Variants in NIN observed in about 807,000 individuals in gnomAD.
NIN encodes glycogen synthase kinase 3 beta-interacting protein.
Under a neutral mutation model 257.6 loss-of-function variants are expected in NIN, and 137 were observed. The observed-to-expected ratio is 0.53, with a 90% CI of 0.46 to 0.61. The LOEUF (loss-of-function observed/expected upper bound fraction) is 0.61, where lower values mean the gene tolerates loss of function less well. Among genes scored for constraint, NIN ranks in the 20% least tolerant of loss-of-function variants. NIN has a pLI of 0.00. For missense variants in NIN, 2,439 were observed against 2,501.2 expected (o/e 0.98, Z 0.53); for synonymous variants, 918 against 919.8 (o/e 1.00, Z 0.04).
chr14:50,753,975 ATGTT>A (rs2041914177), intron 20 of NIN, among the ~76,000 whole-genome samples: 2 of 151,930 alleles, frequency 1.3e-5, no homozygotes, highest in Non-Finnish European at 2.9e-5. Flanking sequence ...TACATTTTGG[ATGTT>A]AACACCTTGT....
chr14:50,804,259 G>A (rs997553811), intron 4 of NIN, among the ~76,000 whole-genome samples: 4 of 152,096 alleles, frequency 2.6e-5, no homozygotes, highest in Non-Finnish European at 5.9e-5. Context: ...CGATCCCCAC[G>A]AACAACTGGA....
chr14:50,775,009 A>G (rs748197256), intron 7 of NIN, among the ~76,000 whole-genome samples: 1 of 152,210 alleles, frequency 6.6e-6, no homozygotes, highest in African/African-American at 2.4e-5. Context: ...TTGGAAAATA[A>G]TCACAAACCC....
At chr14:50,819,834 TAAAGA>T (rs138956723) in intron 3 of NIN, among the ~76,000 whole-genome samples, 28 of 152,358 alleles carry the variant, frequency 1.8e-4, no homozygotes, top group Non-Finnish European at 3.7e-4. Flanking sequence ...AAATATCTTC[TAAAGA>T]GAAGAAAGAT....
At chr14:50,724,415 T>C (rs555535169) in intron 30 of NIN, 1 of 222,366 alleles carries the variant, frequency 4.5e-6, no homozygotes, top group East Asian at 6.5e-5. Flanking sequence ...AACAACCTAT[T>C]AGCATTTCAA....
At chr14:50,769,299 C>T (rs1210934606) in intron 12 of NIN, among the ~76,000 whole-genome samples, 2 of 152,158 alleles carry the variant, frequency 1.3e-5, no homozygotes, top group Admixed American at 6.5e-5. Context: ...CTAAACCAGG[C>T]AGCCTGACTC....
intron 18 of NIN, among the ~76,000 whole-genome samples, chr14:50,755,740 C>T (rs748731532): frequency 6.9e-6 from 1 of 145,950 alleles, no homozygotes; most frequent in Non-Finnish European, 1.5e-5. Context: ...TCATGGCTCA[C>T]TGCAGCTTTG....
Position 50,752,700 on chromosome 14 carries a change from C to A in NIN, c.4768G>T (p.Asp1590Tyr). 2 of 1,600,082 alleles carry A rather than the reference C, an allele frequency of 1.2e-6. No individual in the cohort carries two copies. Among genetic ancestry groups the A allele is most frequent in the South Asian group, 2.3e-5 (2 of 86,638 alleles). ...TGGCTAAGTTCTGTATTTTCCAAAT[C>A]CAATTGTTGGTTTTTGATTTTTAAT... The part of the protein sequence containing the change: ...SELKIKNQQL[D>Y]LENTELSQKN... The change falls in exon 21 of 31, where the codon GAT becomes TAT. Residue 1590 changes from aspartate to tyrosine, a missense_variant. By Grantham distance (160) the Asp-to-Tyr change is radical. Coordinates refer to ENST00000530997, the MANE Select transcript of NIN (RefSeq NM_020921.4).
At chr14:50,807,542 A>G (rs2044386269) in intron 3 of NIN, among the ~76,000 whole-genome samples, 1 of 152,202 alleles carries the variant, frequency 6.6e-6, no homozygotes, top group South Asian at 2.1e-4. Context: ...GATGTATGTA[A>G]TCTCACCTTG....
At chr14:50,830,832 C>G (rs2045675512) in intron 1 of NIN, 174 bp downstream of exon 1, 1 of 151,458 alleles carries the variant, frequency 6.6e-6, no homozygotes, top group African/African-American at 2.4e-5. Context: ...TGCTTCCTCC[C>G]GGCCCGCAGG....
chr14:50,823,253 T>C (rs1017474845), intron 2 of NIN: 2 of 577,014 alleles, frequency 3.5e-6, no homozygotes, highest in Non-Finnish European at 3.5e-6. Context: ...TTCGCCATGA[T>C]GCAATGGATG....
At chr14:50,741,403 C>A (rs977142096) in intron 25 of NIN, among the ~76,000 whole-genome samples, 179 bp downstream of exon 25, 4 of 152,144 alleles carry the variant, frequency 2.6e-5, no homozygotes, top group Non-Finnish European at 5.9e-5. Context: ...AAGAGAGAGC[C>A]TGCTGAGTGC....
rs557800080 is a variant in NIN, at chr14:50,758,591, T to C, written c.2439A>G (p.Gln813=). Residue 813 remains glutamine (Q), a synonymous_variant, in exon 18 of 31, where the codon CAA becomes CAG. Transcript: ENST00000530997. The stretch of plus-strand genomic sequence containing the variant: ...AATCAGACTGAAACTGGGCTTCTAT[T>C]TGAGAGGTTCTTCTATTACACTCTG... ...METECNRRTS[Q]IEAQFQSDCQ... The C allele has an allele frequency of 1.3e-4, 202 of 1,597,598 alleles. 2 individuals are homozygous for C. In the South Asian group the frequency reaches 1.6e-3, roughly 13 times the overall value.
intron 12 of NIN, among the ~76,000 whole-genome samples, chr14:50,768,348 A>G (rs1376311380): frequency 6.6e-6 from 1 of 152,220 alleles, no homozygotes; most frequent in Admixed American, 6.5e-5. Flanking sequence ...AGCCTAGAAC[A>G]ACATAGAGTA....
chr14:50,729,008 G>A (rs890697586), intron 29 of NIN, among the ~76,000 whole-genome samples: 4 of 152,238 alleles, frequency 2.6e-5, no homozygotes, highest in Non-Finnish European at 5.9e-5. Context: ...TTTGTTAGTA[G>A]CGCATATCCT....
chr14:50,819,011 A>C (rs1160890401), intron 3 of NIN, among the ~76,000 whole-genome samples: 2 of 152,176 alleles, frequency 1.3e-5, no homozygotes, highest in African/African-American at 4.8e-5. Flanking sequence ...CTTTTTCAAG[A>C]AAAAAAGGAT....
chr14:50,735,436 T>C (rs1224946466), intron 28 of NIN, 80 bp downstream of exon 28: 3 of 1,520,212 alleles, frequency 2.0e-6, no homozygotes, highest in South Asian at 1.3e-5. Flanking sequence ...TTCAATGCCA[T>C]GTCTAGTCTC....
chr14:50,807,747 C>A (rs970229318), intron 3 of NIN, among the ~76,000 whole-genome samples: 2 of 152,130 alleles, frequency 1.3e-5, no homozygotes, highest in Admixed American at 6.5e-5. Flanking sequence ...ACAAAAGCAG[C>A]AAACTTCATT....
At chr14:50,732,810 C>T (rs2040785032) in intron 28 of NIN, among the ~76,000 whole-genome samples, 1 of 152,038 alleles carries the variant, frequency 6.6e-6, no homozygotes. Context: ...TCACAGCAAC[C>T]TCCATCTCCT....
At chr14:50,725,922 T>C in intron 30 of NIN, 31 bp downstream of exon 30, 2 of 1,613,854 alleles carry the variant, frequency 1.2e-6, no homozygotes, top group Non-Finnish European at 1.7e-6. Context: ...GAATGTGAGG[T>C]GGGTGAACAG....
Sources: allele counts gnomAD v4.1 joint callset (sites outside exome capture counted in the v4.1 genomes callset), GRCh38; gene constraint gnomAD v4.1.1; transcripts MANE v1.5; gene names NCBI Gene and HGNC (gene_info 2026-07-23, HGNC 2026-07-21).